The following SYN3 variants were observed in gnomAD, a reference collection of about 807,000 sequenced individuals.
SYN3 encodes synapsin III, also known as synapsin-3.
In SYN3, 35 loss-of-function variants were observed where a neutral mutation model predicts 65.8. The ratio of observed to expected loss-of-function variants is 0.53; its 90% confidence interval spans 0.41 to 0.70. The LOEUF is 0.70. Among genes scored for constraint, SYN3 ranks in the 30% least tolerant of loss-of-function variants. The pLI is 0.00. For synonymous variants in SYN3, 270 were observed against 292.9 expected (o/e 0.92, Z 0.80); for missense variants, 680 against 749.0 (o/e 0.91, Z 1.08).
rs1568991087 is a variant in SYN3 at position 32,513,777 on chromosome 22, T to A, written c.1658A>T (p.Gln553Leu). The A allele has an allele frequency of 1.2e-6, 2 of 1,614,164 alleles. No homozygotes were observed. The highest frequency in any genetic ancestry group is 2.2e-5 in the South Asian group (2 of 91,070). Reference sequence around the variant, plus strand: ...CTCGTCTTCACTTGGGGTCCCACGCTGGGAGGTGTCGGATGTGCTGAGGCT... The same window carrying A: ...CTCGTCTTCACTTGGGGTCCCACGCAGGGAGGTGTCGGATGTGCTGAGGCT... The part of the protein sequence containing the change: ...TNSLSTSDTS[Q>L]RGTPSEDEAK... Residue 553 changes from glutamine (Q) to leucine (L), a missense_variant, in exon 14 of 14, where the codon CAG becomes CTG. Coordinates refer to ENST00000358763, the MANE Select transcript of SYN3 (RefSeq NM_003490.4).
chr22:32,825,993 G>T (rs1441115568), intron 6 of SYN3, among the ~76,000 whole-genome samples: 3 of 152,152 alleles, frequency 2.0e-5, no homozygotes, highest in Admixed American at 6.5e-5. Context: ...AAGTCTTGAA[G>T]GTAATATAAA....
At chr22:32,564,275 T>C (rs2058627847) in intron 7 of SYN3, among the ~76,000 whole-genome samples, 1 of 152,144 alleles carries the variant, frequency 6.6e-6, no homozygotes, top group Non-Finnish European at 1.5e-5. Flanking sequence ...AGTCCTGCCC[T>C]GCTACAGATG....
At chr22:33,015,407 T>A in intron 1 of SYN3, 1 of 361,804 alleles carries the variant, frequency 2.8e-6, no homozygotes, top group Non-Finnish European at 5.4e-6. Flanking sequence ...TATATTTCTT[T>A]AGGAAATACA....
intron 6 of SYN3, among the ~76,000 whole-genome samples, chr22:32,650,381 C>T (rs2060052040): frequency 6.6e-6 from 1 of 151,814 alleles, no homozygotes. Flanking sequence ...ATCCTTCCAC[C>T]TCAGCCTCCC....
intron 6 of SYN3, among the ~76,000 whole-genome samples, chr22:32,687,137 AG>A (rs1281026203): frequency 6.6e-6 from 1 of 151,902 alleles, no homozygotes; most frequent in Non-Finnish European, 1.5e-5. Flanking sequence ...AATACCCAGT[AG>A]GTCTTGTTTT....
chr22:32,979,015 C>T (rs755624698), intron 3 of SYN3, among the ~76,000 whole-genome samples: 1 of 151,278 alleles, frequency 6.6e-6, no homozygotes, highest in Non-Finnish European at 1.5e-5. Context: ...TCCATCTGTA[C>T]TAAAAATAGA....
intron 3 of SYN3, among the ~76,000 whole-genome samples, chr22:32,939,605 T>C (rs2050879611): frequency 6.6e-6 from 1 of 152,240 alleles, no homozygotes; most frequent in South Asian, 2.1e-4. Flanking sequence ...TTGCTATAAA[T>C]GAAATCTCAC....
chr22:32,773,494 G>GATCTGA (rs1271424166), intron 6 of SYN3, among the ~76,000 whole-genome samples: 2 of 150,646 alleles, frequency 1.3e-5, no homozygotes, highest in African/African-American at 4.9e-5. Context: ...TGGGGACAAA[G>GATCTGA]ATCTGAGACG....
Position 32,945,342 on chromosome 22 carries a change from G to T in SYN3, c.370-13861C>A, listed in dbSNP as rs1349692927. 5.3e-5 allele frequency among the ~76,000 whole-genome samples: 8 copies of T among 152,206 alleles called. No individual in the cohort carries two copies. In the East Asian group the frequency reaches 1.3e-3, roughly 26 times the overall value. ...AGCATGGTACTGGTACCAAAACAGA[G>T]ATATAGACCAATGGAACAGAACAGA... On this transcript the variant is annotated intron_variant, in intron 3 of 13. Coordinates refer to ENST00000358763, the MANE Select transcript of SYN3 (RefSeq NM_003490.4).
chr22:32,715,382 C>T (rs1440227744), intron 6 of SYN3, among the ~76,000 whole-genome samples: 1 of 152,218 alleles, frequency 6.6e-6, no homozygotes, highest in Non-Finnish European at 1.5e-5. Flanking sequence ...TCTTGACATC[C>T]TATGGCACTG....
intron 6 of SYN3, among the ~76,000 whole-genome samples, chr22:32,846,877 TG>T (rs1442323906): frequency 6.6e-6 from 1 of 152,208 alleles, no homozygotes; most frequent in Non-Finnish European, 1.5e-5. Context: ...TTCTTTTCAC[TG>T]AACTATCCTC....
At chr22:32,922,963 G>A (rs993330277) in intron 4 of SYN3, among the ~76,000 whole-genome samples, 2 of 152,196 alleles carry the variant, frequency 1.3e-5, no homozygotes, top group African/African-American at 4.8e-5. Context: ...GTTCTCCAGA[G>A]AAACAGAACT....
At chr22:32,965,448 C>T (rs1038351544) in intron 3 of SYN3, among the ~76,000 whole-genome samples, 3 of 151,862 alleles carry the variant, frequency 2.0e-5, no homozygotes, top group East Asian at 1.9e-4. Flanking sequence ...TATTATGTAC[C>T]GAATAAGTGT....
chr22:32,998,787 A>AC (rs1556121467), intron 2 of SYN3, among the ~76,000 whole-genome samples: 72 of 138,738 alleles, frequency 5.2e-4, no homozygotes, highest in African/African-American at 1.6e-3. Flanking sequence ...AAAAAAAAAA[A>AC]AAAAAAAAAA....
At chr22:33,026,303 G>A (rs1257775891) in intron 1 of SYN3, among the ~76,000 whole-genome samples, 1 of 152,056 alleles carries the variant, frequency 6.6e-6, no homozygotes, top group Non-Finnish European at 1.5e-5. Context: ...AATAAATGGA[G>A]GTTTTCTCCA....
intron 7 of SYN3, among the ~76,000 whole-genome samples, chr22:32,588,362 T>C (rs956783340): frequency 2.0e-5 from 3 of 152,032 alleles, no homozygotes; most frequent in African/African-American, 4.8e-5. Context: ...ACTCCTAGAG[T>C]GGGGTTCATT....
chr22:32,652,140 G>A (rs1397649345), intron 6 of SYN3, among the ~76,000 whole-genome samples: 1 of 152,140 alleles, frequency 6.6e-6, no homozygotes, highest in Non-Finnish European at 1.5e-5. Flanking sequence ...TTTACCCGTA[G>A]GGTCATCAAA....
chr22:32,537,945 G>T, intron 9 of SYN3, 91 bp downstream of exon 9: 1 of 1,147,908 alleles, frequency 8.7e-7, no homozygotes, highest in Non-Finnish European at 1.3e-6. Context: ...ACGGAGGGCG[G>T]AGTGGCCTTC....
intron 6 of SYN3, among the ~76,000 whole-genome samples, chr22:32,732,032 G>C (rs1457272780): frequency 2.6e-5 from 4 of 152,158 alleles, no homozygotes; most frequent in Non-Finnish European, 4.4e-5. Context: ...GATCAGCACA[G>C]CAAAAAATGT....
Sources: gnomAD v4.1 joint callset for allele counts (sites outside exome capture counted in the v4.1 genomes callset) on GRCh38, gnomAD v4.1.1 for gene constraint, MANE v1.5 for transcripts, NCBI Gene and HGNC (gene_info 2026-07-23, HGNC 2026-07-21) for gene names.